Variants in PEX19 observed in about 807,000 individuals in gnomAD.
PEX19 encodes the protein 33 kDa housekeeping protein.
A neutral mutation model predicts 36.3 loss-of-function variants in PEX19; 29 were observed. The ratio of observed to expected loss-of-function variants is 0.80; its 90% CI spans 0.60 to 1.09. The LOEUF (loss-of-function observed/expected upper bound fraction) is 1.09, where lower values mean the gene tolerates loss of function less well. Among genes scored for constraint, PEX19 ranks in the 50% least tolerant of loss-of-function variants. The probability of loss-of-function intolerance (pLI) is 0.00; values close to 1 mark genes in which losing one functional copy is unlikely to be tolerated. For missense variants in PEX19, 396 were observed against 368.1 expected (o/e 1.08, Z -0.62); for synonymous variants, 141 against 135.2 (o/e 1.04, Z -0.30).
rs990044624 is a variant in PEX19 at position 160,278,816 on chromosome 1, A to T, written c.*735T>A. 1.5e-5 allele frequency: 7 copies of T among 453,946 alleles called. No homozygotes were observed. In the East Asian group the frequency reaches 4.9e-4, roughly 32 times the overall value. 28.1% of individuals were successfully genotyped at this position (453,946 alleles called of 1,614,324 possible). A position where few individuals can be genotyped will look rare whatever the true frequency, so the allele number is the denominator to read the frequency against. On this transcript the variant is annotated 3_prime_UTR_variant, in exon 8 of 8. Coordinates refer to ENST00000368072, the MANE Select transcript of PEX19 (RefSeq NM_002857.4). ...CAGGTGTTTAAAAAAGAGAGGAGGT[A>T]AAAGGGAGGATGGGCAGGGGATAGA...
At chr1:160,279,746 G>T in intron 7 of PEX19, 55 bp downstream of exon 7, 1 of 1,566,302 alleles carries the variant, frequency 6.4e-7, no homozygotes, top group Non-Finnish European at 8.8e-7. Context: ...AGAGGTTAAA[G>T]AATTCTGGAA....
chr1:160,284,186 C>G, intron 1 of PEX19: 1 of 471,516 alleles, frequency 2.1e-6, no homozygotes, highest in Non-Finnish European at 4.4e-6. Context: ...TTTAGTGCTC[C>G]CCAACAACCT....
chr1:160,279,505 A>C lies in PEX19; in HGVS notation c.*46T>G, dbSNP rs1657677648. On this transcript the variant is annotated 3_prime_UTR_variant, in exon 8 of 8. Coordinates refer to ENST00000368072, the MANE Select transcript of PEX19 (RefSeq NM_002857.4). ...AGGTCCCAATGGTTCTGCTGACTCC[A>C]GATGTTCCCCATAGCTGGGACTCAG... The C allele has an allele frequency of 6.7e-7, 1 of 1,481,830 alleles. No individual in the cohort carries two copies. The highest frequency in any genetic ancestry group is 9.4e-7 in the Non-Finnish European group (1 of 1,059,818). The allele number at this position is 1,481,830 out of a possible 1,614,324, so 91.8% of individuals were successfully genotyped here. A position where few individuals can be genotyped will look rare whatever the true frequency, so the allele number is the denominator to read the frequency against.
intron 1 of PEX19, chr1:160,284,199 T>C: frequency 2.1e-6 from 1 of 471,430 alleles, no homozygotes; most frequent in Non-Finnish European, 4.4e-6. Context: ...AACAACCTTC[T>C]AGAGCTCCCT....
At chr1:160,281,943 G>A (rs1657786496) in intron 5 of PEX19, 96 bp downstream of exon 5, 9 of 1,050,668 alleles carry the variant, frequency 8.6e-6, no homozygotes, top group South Asian at 3.9e-5. Context: ...GCACACTCGA[G>A]TTACTCTTTC....
chr1:160,282,860 A>G (rs182088044), intron 3 of PEX19, 84 bp downstream of exon 3: 578 of 1,432,330 alleles, frequency 4.0e-4, no homozygotes, highest in Non-Finnish European at 8.2e-5. Flanking sequence ...ATTGCTATCA[A>G]CTTCACTAAG....
chr1:160,281,539 G>A (rs1166432234), intron 5 of PEX19, among the ~76,000 whole-genome samples: 3 of 152,200 alleles, frequency 2.0e-5, no homozygotes, highest in African/African-American at 4.8e-5. Context: ...CTGAGTAGTT[G>A]CGATCACAGG....
chr1:160,278,975 T>A lies in PEX19; in HGVS notation c.*576A>T, dbSNP rs1386102646. 2.2e-6 allele frequency: 1 copy of A among 454,148 alleles called. No individual in the cohort carries two copies. The highest frequency in any genetic ancestry group is 4.4e-6 in the Non-Finnish European group (1 of 226,806). The allele number at this position is 454,148 out of a possible 1,614,324, so 28.1% of individuals were successfully genotyped here. A position where few individuals can be genotyped will look rare whatever the true frequency, so the allele number is the denominator to read the frequency against. ...AGAGAGGAGAATCCTAAGGCCTCTCTTTCAACTCTATTGTGATTAGATGCA... is the reference window on the plus strand; with the variant it reads ...AGAGAGGAGAATCCTAAGGCCTCTCATTCAACTCTATTGTGATTAGATGCA... On this transcript the variant is annotated 3_prime_UTR_variant, in exon 8 of 8. Transcript: ENST00000368072.
intron 5 of PEX19, among the ~76,000 whole-genome samples, chr1:160,280,533 T>C (rs1437197142): frequency 6.6e-6 from 1 of 151,912 alleles, no homozygotes; most frequent in East Asian, 1.9e-4. Context: ...TTCTTTTTTT[T>C]CGAGACAGAG....
chr1:160,279,944 T>C (rs972253959), intron 6 of PEX19, 99 bp from the exon 7 acceptor site: 3 of 1,368,094 alleles, frequency 2.2e-6, no homozygotes, highest in Non-Finnish European at 2.1e-6. Context: ...CTATTTCTTC[T>C]GAGAGAGATC....
rs1571132974 is a variant in PEX19 at position 160,277,887 on chromosome 1, C to T, written c.*1664G>A. On this transcript the variant is annotated 3_prime_UTR_variant, in exon 8 of 8. Coordinates refer to ENST00000368072, the MANE Select transcript of PEX19 (RefSeq NM_002857.4). ...GAGACGTTTTACATTCAGATCTGGG[C>T]TCTTCCATGCTCTGGTAAGGTATAG... is the stretch of plus-strand genomic sequence containing the variant. The T allele has an allele frequency of 1.5e-6, 1 of 666,308 alleles. No homozygotes were observed. 41.3% of individuals were successfully genotyped at this position (666,308 alleles called of 1,614,324 possible). A position where few individuals can be genotyped will look rare whatever the true frequency, so the allele number is the denominator to read the frequency against.
rs1415144741 is a variant in PEX19 at position 160,277,330 on chromosome 1, G to T, written c.*2221C>A. The T allele has an allele frequency of 1.3e-5, 6 of 455,954 alleles. No individual in the cohort carries two copies. The highest frequency in any genetic ancestry group is 2.6e-5 in the Non-Finnish European group (6 of 226,814). 28.2% of individuals were successfully genotyped at this position (455,954 alleles called of 1,614,324 possible). On this transcript the variant is annotated 3_prime_UTR_variant, in exon 8 of 8. Coordinates refer to ENST00000368072, the MANE Select transcript of PEX19 (RefSeq NM_002857.4). The stretch of plus-strand genomic sequence containing the variant: ...TGGACTTAACCTACAGAACAGTCTG[G>T]CCAGTTTGGGTGCTGTCAAACTTGC...
rs1331196366 is a variant in PEX19, at chr1:160,281,625, C to T, written c.594+414G>A. Among the ~76,000 whole-genome samples, 24 of 152,138 alleles carry T rather than the reference C, an allele frequency of 1.6e-4. 1 individual carries two copies. The highest frequency in any genetic ancestry group is 9.2e-4 in the Admixed American group (14 of 15,272). On this transcript the variant is annotated intron_variant, in intron 5 of 7. Coordinates refer to ENST00000368072, the MANE Select transcript of PEX19 (RefSeq NM_002857.4). ...TTCACCATGTTGGCCAGGCTGGTCT[C>T]GAACTCCTGACCTCAGGTGATCCAC...
At chr1:160,279,752 T>C in intron 7 of PEX19, 49 bp downstream of exon 7, 1 of 1,579,206 alleles carries the variant, frequency 6.3e-7, no homozygotes, top group Middle Eastern at 1.7e-4. Flanking sequence ...TAAAGAATTC[T>C]GGAAATTGGG....
At chr1:160,284,935 G>A (rs1657948391) in intron 1 of PEX19, 120 bp downstream of exon 1, 5 of 827,734 alleles carry the variant, frequency 6.0e-6, no homozygotes, top group Non-Finnish European at 8.4e-6. Context: ...CAGACTCTCC[G>A]CCCCCATTTA....
chr1:160,282,041 T>A lies in PEX19; in HGVS notation c.592A>T (p.Lys198Ter). 1 of 1,613,634 alleles carries A rather than the reference T, an allele frequency of 6.2e-7. No homozygotes were observed. The highest frequency in any genetic ancestry group is 8.5e-7 in the Non-Finnish European group (1 of 1,179,592). The part of the protein sequence containing the change: ...LYPSLKEITE[K>*]YPEWLQSHRE... ...AGCAGAAATGGAAGTTCACAAACCTTTTCTGTGATCTCCTTCAGTGATGGG... is the reference window on the plus strand; with the variant it reads ...AGCAGAAATGGAAGTTCACAAACCTATTCTGTGATCTCCTTCAGTGATGGG... Residue 198 changes from lysine (K) to a stop codon, truncating the protein, a stop_gained and splice_region_variant, in exon 5 of 8, where the codon AAG (lysine) becomes TAG (stop). Coordinates refer to ENST00000368072, the MANE Select transcript of PEX19 (RefSeq NM_002857.4). LOFTEE classifies it high-confidence loss of function.
rs1557854496 is a variant in PEX19 at position 160,282,130 on chromosome 1, TCCC to T, written c.500_502del (p.Gly167del). 1 of 1,613,778 alleles carries T rather than the reference TCCC, an allele frequency of 6.2e-7. No homozygotes were observed. Among genetic ancestry groups the T allele is most frequent in the Non-Finnish European group, 8.5e-7 (1 of 1,179,698 alleles). ...CTGCATGATGGGGAGGATGTTCCCT[TCCC>T]CATCCCCTTCGTCCATGCCTAGCCC... On this transcript the variant is annotated inframe_deletion, in exon 5 of 8. Coordinates refer to ENST00000368072, the MANE Select transcript of PEX19 (RefSeq NM_002857.4).
chr1:160,280,074 T>C lies in PEX19; in HGVS notation c.767A>G (p.Gln256Arg), dbSNP rs577660181. 1 of 1,613,698 alleles carries C rather than the reference T, an allele frequency of 6.2e-7. No homozygotes were observed. The highest frequency in any genetic ancestry group is 1.1e-5 in the South Asian group (1 of 91,080). ...ARFEMVLDLM[Q>R]QLQDLGHPPK... Reference sequence around the variant, plus strand: ...GCAGAAGGCAAGAGGCCTTACCTGCTGCATAAGATCCAGCACCATCTCAAA... The same window carrying C: ...GCAGAAGGCAAGAGGCCTTACCTGCCGCATAAGATCCAGCACCATCTCAAA... The change falls in exon 6 of 8, where the codon CAG becomes CGG. Residue 256 changes from glutamine (Q) to arginine (R), a missense_variant. By Grantham distance (43) the Gln-to-Arg change is conservative. Transcript: ENST00000368072.
Position 160,279,272 on chromosome 1 carries a change from C to CA in PEX19, c.*278dup. Reference sequence around the variant, plus strand: ...GAGAAAGGAAAGAAAGTGCATGCCCCAAAAGGGATGCCTTCCTTCACCTTG... The same window carrying CA: ...GAGAAAGGAAAGAAAGTGCATGCCCCAAAAAGGGATGCCTTCCTTCACCTTG... On this transcript the variant is annotated 3_prime_UTR_variant, in exon 8 of 8. Coordinates refer to ENST00000368072, the MANE Select transcript of PEX19 (RefSeq NM_002857.4). 1.6e-6 allele frequency: 1 copy of CA among 617,456 alleles called. No homozygotes were observed. The highest frequency in any genetic ancestry group is 3.4e-5 in the East Asian group (1 of 29,196). The allele number at this position is 617,456 out of a possible 1,614,324, so 38.2% of individuals were successfully genotyped here. A position where few individuals can be genotyped will look rare whatever the true frequency, so the allele number is the denominator to read the frequency against.
Sources: gnomAD v4.1 joint callset for allele counts (sites outside exome capture counted in the v4.1 genomes callset) on GRCh38, gnomAD v4.1.1 for gene constraint, MANE v1.5 for transcripts, NCBI Gene and HGNC (gene_info 2026-07-23, HGNC 2026-07-21) for gene names.